Variants in STIM1 observed in about 807,000 individuals in gnomAD.
STIM1 encodes stromal interaction molecule 1.
A neutral mutation model predicts 74.7 loss-of-function variants in STIM1; 25 were observed. That is an observed-to-expected ratio of 0.33 (90% confidence interval 0.24 to 0.47). The LOEUF (loss-of-function observed/expected upper bound fraction) is 0.47, where lower values mean the gene tolerates loss of function less well. Ranked by LOEUF, STIM1 falls within the 20% of genes least tolerant of loss-of-function variation. STIM1 has a pLI of 1.00. For missense variants in STIM1, 728 were observed against 920.8 expected, an observed-to-expected ratio of 0.79 and a Z score of 2.71; for synonymous variants, 328 against 348.8, an observed-to-expected ratio of 0.94 and a Z score of 0.66.
chr11:4,051,768 T>A (rs1278543934), intron 3 of STIM1, among the ~76,000 whole-genome samples: 1 of 152,096 alleles, frequency 6.6e-6, no homozygotes, highest in Non-Finnish European at 1.5e-5. Context: ...CACCTCAGCC[T>A]CCTGAGGAGC....
At chr11:3,878,816 A>G (rs576298322) in intron 1 of STIM1, among the ~76,000 whole-genome samples, 1 of 152,200 alleles carries the variant, frequency 6.6e-6, no homozygotes, top group African/African-American at 2.4e-5. Flanking sequence ...GTGGGTTCCT[A>G]TTGCTAGCTG....
intron 1 of STIM1, among the ~76,000 whole-genome samples, chr11:3,889,032 G>A (rs2091818323): frequency 6.6e-6 from 1 of 151,284 alleles, no homozygotes; most frequent in Admixed American, 6.6e-5. Flanking sequence ...AAAGCAGATG[G>A]AGTGGCCTGT....
chr11:4,003,453 T>G (rs1370458763), intron 2 of STIM1, among the ~76,000 whole-genome samples: 1 of 150,960 alleles, frequency 6.6e-6, no homozygotes, highest in South Asian at 2.1e-4. Context: ...TCAATAAATG[T>G]AATCCAGCAT....
chr11:3,872,933 G>A (rs1309044735), intron 1 of STIM1, among the ~76,000 whole-genome samples: 1 of 150,126 alleles, frequency 6.7e-6, no homozygotes, highest in African/African-American at 2.5e-5. Flanking sequence ...AAGTATTACT[G>A]TGTTTATGTT....
chr11:3,893,500 C>T (rs2091958897), intron 1 of STIM1, among the ~76,000 whole-genome samples: 1 of 152,144 alleles, frequency 6.6e-6, no homozygotes, highest in Non-Finnish European at 1.5e-5. Context: ...GAGTGAATGA[C>T]CTTGGACACA....
intron 4 of STIM1, 58 bp downstream of exon 4, chr11:4,055,695 C>A: frequency 7.3e-7 from 1 of 1,363,156 alleles, no homozygotes; most frequent in Non-Finnish European, 1.0e-6. Flanking sequence ...CTGGAGTGGG[C>A]CTGCCTTCAG....
chr11:4,091,321 G>A lies in STIM1; in HGVS notation c.1674G>A (p.Met558Ile), dbSNP rs146111967. 4 of 1,614,050 alleles carry A rather than the reference G, an allele frequency of 2.5e-6. No individual in the cohort carries two copies. The African/African-American group carries it at 4.0e-5, about 16-fold the overall frequency. ...THSDSESSLH[M>I]SDRQRVAPKP... Reference sequence around the variant, plus strand: ...CCGATTCGGAGTCCTCCCTCCACATGAGTGACCGCCAGCGTGTGGCCCCCA... The same window carrying A: ...CCGATTCGGAGTCCTCCCTCCACATAAGTGACCGCCAGCGTGTGGCCCCCA... The change falls in exon 13 of 13, where the codon ATG becomes ATA. Residue 558 changes from methionine (M) to isoleucine (I), a missense_variant. Coordinates refer to ENST00000526596, the MANE Select transcript of STIM1 (RefSeq NM_001382567.1).
At chr11:3,984,818 C>G (rs749276691) in intron 2 of STIM1, among the ~76,000 whole-genome samples, 15 of 152,164 alleles carry the variant, frequency 9.9e-5, no homozygotes, top group Non-Finnish European at 2.1e-4. Flanking sequence ...ATACTCTTTG[C>G]CATGAACAAG....
chr11:3,950,110 G>GTTCCTA (rs1287421998), intron 1 of STIM1, among the ~76,000 whole-genome samples: 2 of 150,458 alleles, frequency 1.3e-5, no homozygotes, highest in African/African-American at 4.9e-5. Flanking sequence ...ACTCATCCAA[G>GTTCCTA]TTGTGTGTAT....
chr11:3,959,291 T>C (rs2093257914), intron 1 of STIM1, among the ~76,000 whole-genome samples: 1 of 152,152 alleles, frequency 6.6e-6, no homozygotes, highest in South Asian at 2.1e-4. Context: ...TGAATTACTG[T>C]TTAGTGACGA....
At chr11:3,893,651 A>ATT (rs71466135) in intron 1 of STIM1, among the ~76,000 whole-genome samples, 63 of 143,970 alleles carry the variant, frequency 4.4e-4, no homozygotes, top group East Asian at 8.1e-4. Flanking sequence ...CTGGGTCAAC[A>ATT]TTTTTTTTTT....
intron 1 of STIM1, among the ~76,000 whole-genome samples, chr11:3,950,059 CTTCT>C (rs1350006364): frequency 2.6e-5 from 4 of 151,780 alleles, no homozygotes; most frequent in Admixed American, 6.6e-5. Flanking sequence ...TTGGAATTGG[CTTCT>C]TTCTTTTTTT....
intron 2 of STIM1, among the ~76,000 whole-genome samples, chr11:4,017,198 A>G (rs2093907186): frequency 6.6e-6 from 1 of 152,132 alleles, no homozygotes; most frequent in African/African-American, 2.4e-5. Context: ...CTATTTGGCC[A>G]TCTTGGAAGT....
chr11:3,949,855 C>T (rs959629834), intron 1 of STIM1, among the ~76,000 whole-genome samples: 2 of 152,110 alleles, frequency 1.3e-5, no homozygotes, highest in Non-Finnish European at 2.9e-5. Context: ...GTTCAGATTT[C>T]CCAGTTTTAC....
chr11:3,873,649 A>T (rs2135281824), intron 1 of STIM1, among the ~76,000 whole-genome samples: 1 of 152,190 alleles, frequency 6.6e-6, no homozygotes, highest in East Asian at 1.9e-4. Context: ...AATGGATTGC[A>T]TTCTGGAGTG....
intron 2 of STIM1, among the ~76,000 whole-genome samples, chr11:4,001,568 A>C (rs186752695): frequency 1.2e-4 from 19 of 152,342 alleles, no homozygotes; most frequent in East Asian, 3.9e-4. Context: ...GTCTGCCCTA[A>C]AAGAGCTCCT....
chr11:3,867,146 G>A (rs560007793), intron 1 of STIM1: 46 of 152,348 alleles, frequency 3.0e-4, no homozygotes, highest in African/African-American at 1.1e-3. Flanking sequence ...AATTCACATG[G>A]TGAGTTTTCT....
chr11:3,879,511 T>C (rs958640558), intron 1 of STIM1, among the ~76,000 whole-genome samples: 3 of 152,224 alleles, frequency 2.0e-5, no homozygotes, highest in Non-Finnish European at 4.4e-5. Flanking sequence ...CTCCCCAGAT[T>C]GGTTTGTGCT....
intron 1 of STIM1, among the ~76,000 whole-genome samples, chr11:3,923,596 G>A (rs2135532001): frequency 7.1e-6 from 1 of 141,814 alleles, no homozygotes. Context: ...GCGACAGAGT[G>A]AGACCCTATC....
Sources: gnomAD v4.1 joint callset for allele counts (sites outside exome capture counted in the v4.1 genomes callset) on GRCh38, gnomAD v4.1.1 for gene constraint, MANE v1.5 for transcripts, NCBI Gene and HGNC (gene_info 2026-07-23, HGNC 2026-07-21) for gene names.